The following ADGRL2 variants were observed in gnomAD, a reference collection of about 807,000 sequenced individuals.
The protein encoded by ADGRL2 is calcium-independent alpha-latrotoxin receptor 2.
A neutral mutation model predicts 157.4 loss-of-function variants in ADGRL2; 44 were observed. The ratio of observed to expected loss-of-function variants is 0.28; its 90% CI spans 0.22 to 0.36. The LOEUF (loss-of-function observed/expected upper bound fraction) is 0.36, where lower values mean the gene tolerates loss of function less well. Ranked by LOEUF, ADGRL2 falls within the 10% of genes least tolerant of loss-of-function variation. The pLI is 1.00. For missense variants in ADGRL2, 1,510 were observed against 1,768.9 expected, an observed-to-expected ratio of 0.85 and a Z score of 2.63; for synonymous variants, 585 against 624.7, an observed-to-expected ratio of 0.94 and a Z score of 0.95.
chr1:81,925,927 C>T (rs1410838840), intron 3 of ADGRL2, among the ~76,000 whole-genome samples: 1 of 151,986 alleles, frequency 6.6e-6, no homozygotes, highest in Non-Finnish European at 1.5e-5. Flanking sequence ...AAAATGATAT[C>T]TAAACCAAGG....
In ADGRL2 at chr1:81,966,432, C is replaced by T. The variant is rs1225584292; in HGVS notation, c.2172C>T (p.Tyr724=). The change falls in exon 13 of 24, where the codon TAC becomes TAT. Residue 724 remains tyrosine (Y), a synonymous_variant. Transcript: ENST00000686636. The stretch of plus-strand genomic sequence containing the variant: ...TTGCAAAGTTGGTGTTCATCATTTA[C>T]CGGAGCCTGGGACAGTTCCTTAGTA... ...NGLAKLVFII[Y]RSLGQFLSTE... 6.2e-7 allele frequency: 1 copy of T among 1,613,984 alleles called. No individual in the cohort carries two copies. The highest frequency in any genetic ancestry group is 8.5e-7 in the Non-Finnish European group (1 of 1,180,008).
chr1:81,859,388 A>G (rs1260204159), intron 2 of ADGRL2, among the ~76,000 whole-genome samples: 2 of 149,958 alleles, frequency 1.3e-5, no homozygotes, highest in South Asian at 2.1e-4. Context: ...TGTAAGTAAA[A>G]TGACCATAGA....
chr1:81,496,097 C>T (rs2078724459), intron 2 of ADGRL2, among the ~76,000 whole-genome samples: 1 of 152,076 alleles, frequency 6.6e-6, no homozygotes, highest in African/African-American at 2.4e-5. Flanking sequence ...TAGGTAATGC[C>T]ATCATTGATT....
chr1:81,328,465 A>G (rs899119739), intron 1 of ADGRL2, among the ~76,000 whole-genome samples: 12 of 152,262 alleles, frequency 7.9e-5, no homozygotes, highest in Admixed American at 5.9e-4. Flanking sequence ...TCCCTAAAAT[A>G]TAAGCCTCAG....
intron 2 of ADGRL2, among the ~76,000 whole-genome samples, chr1:81,494,067 A>G (rs930352015): frequency 4.6e-5 from 7 of 152,122 alleles, no homozygotes; most frequent in African/African-American, 1.7e-4. Flanking sequence ...TCACAAACTT[A>G]TGTCTCCTTC....
chr1:81,391,051 C>G (rs922215293), intron 1 of ADGRL2, among the ~76,000 whole-genome samples: 1 of 152,300 alleles, frequency 6.6e-6, no homozygotes, highest in Non-Finnish European at 1.5e-5. Flanking sequence ...TTGGTAACTA[C>G]TGAGTTAGAA....
intron 1 of ADGRL2, among the ~76,000 whole-genome samples, chr1:81,320,615 T>C (rs554579054): frequency 6.6e-6 from 1 of 152,356 alleles, no homozygotes; most frequent in East Asian, 1.9e-4. Flanking sequence ...AGCTCTCAGC[T>C]GACCAGGTAC....
At chr1:81,357,827 A>T (rs542389026) in intron 1 of ADGRL2, among the ~76,000 whole-genome samples, 1 of 152,248 alleles carries the variant, frequency 6.6e-6, no homozygotes, top group Non-Finnish European at 1.5e-5. Flanking sequence ...ATTTTCACTA[A>T]GCTGTTGTGC....
rs1664992092 is a variant in ADGRL2, at chr1:81,993,830, CTG to C, written c.*2688_*2689del. ...TTGTTTCTCTTTGTGATAGTCACAACTGTGAACTTATAAAGTCACATTTTTAA... is the reference window on the plus strand; with the variant it reads ...TTGTTTCTCTTTGTGATAGTCACAACTGAACTTATAAAGTCACATTTTTAA... On this transcript the variant is annotated 3_prime_UTR_variant, in exon 24 of 24. Coordinates refer to ENST00000686636, the MANE Select transcript of ADGRL2 (RefSeq NM_001366006.2). Among the ~76,000 whole-genome samples, 2 of 152,100 alleles carry C rather than the reference CTG, an allele frequency of 1.3e-5. No homozygotes were observed. Among genetic ancestry groups the C allele is most frequent in the African/African-American group, 4.8e-5 (2 of 41,422 alleles).
chr1:81,721,871 T>C, intron 1 of ADGRL2: 2 of 766,092 alleles, frequency 2.6e-6, no homozygotes, highest in South Asian at 1.4e-5. Flanking sequence ...AAAAAAAACC[T>C]GATAGTAAGA....
Position 81,966,228 on chromosome 1 carries a change from CA to C in ADGRL2, c.2143+50del, listed in dbSNP as rs1186596846. 3 of 1,610,254 alleles carry C rather than the reference CA, an allele frequency of 1.9e-6. No individual in the cohort carries two copies. The East Asian group carries it at 6.7e-5, about 36-fold the overall frequency. On this transcript the variant is annotated intron_variant, in intron 12 of 23. Transcript: ENST00000686636. ...AAAATTGACAGTTTTTGTTGTTGTT[CA>C]AAAACCTATTAATTCTAAAATGTAT...
intron 1 of ADGRL2, among the ~76,000 whole-genome samples, chr1:81,737,794 G>C (rs1248841659): frequency 6.6e-6 from 1 of 152,134 alleles, no homozygotes; most frequent in Non-Finnish European, 1.5e-5. Flanking sequence ...GAGTCATCCT[G>C]GCAAGTAGAA....
intron 2 of ADGRL2, among the ~76,000 whole-genome samples, chr1:81,851,922 AT>A (rs900991588): frequency 2.0e-5 from 3 of 151,772 alleles, no homozygotes; most frequent in African/African-American, 7.3e-5. Flanking sequence ...CAACTATAGG[AT>A]TTTTTTTATA....
chr1:81,501,405 G>C lies in ADGRL2; in HGVS notation c.-248+56316G>C, dbSNP rs570352818. On this transcript the variant is annotated intron_variant, in intron 2 of 24. Coordinates refer to the ADGRL2 transcript ENST00000370721. ...CTGGGTCATCTCCTATGTGTGTTGA[G>C]AGTTCAATGCAAGTTATTTCTGCTT... Among the ~76,000 whole-genome samples the C allele has an allele frequency of 1.1e-4, 16 of 152,316 alleles. No individual in the cohort carries two copies. In the South Asian group the frequency reaches 3.3e-3, roughly 32 times the overall value.
intron 2 of ADGRL2, among the ~76,000 whole-genome samples, chr1:81,859,678 G>T (rs1021940671): frequency 3.4e-4 from 52 of 151,918 alleles, no homozygotes; most frequent in African/African-American, 1.3e-3. Flanking sequence ...AAAGTGCTGG[G>T]ATTACAGGCA....
chr1:81,430,754 T>C (rs1367671477), intron 1 of ADGRL2, among the ~76,000 whole-genome samples: 1 of 152,212 alleles, frequency 6.6e-6, no homozygotes, highest in African/African-American at 2.4e-5. Flanking sequence ...CTCCTTTTTT[T>C]CCCAAACTGA....
At chr1:81,725,511 C>G (rs2149148529) in intron 1 of ADGRL2, among the ~76,000 whole-genome samples, 1 of 152,006 alleles carries the variant, frequency 6.6e-6, no homozygotes, top group Non-Finnish European at 1.5e-5. Context: ...TTCACTCCAG[C>G]CTGGGTGACA....
intron 2 of ADGRL2, among the ~76,000 whole-genome samples, chr1:81,845,875 ACT>A (rs2092768812): frequency 6.7e-6 from 1 of 150,356 alleles, no homozygotes; most frequent in Admixed American, 6.6e-5. Context: ...GCATTATTGC[ACT>A]CTTTCTTCTT....
intron 2 of ADGRL2, among the ~76,000 whole-genome samples, chr1:81,560,726 G>T (rs190666362): frequency 6.6e-6 from 1 of 152,160 alleles, no homozygotes; most frequent in South Asian, 2.1e-4. Flanking sequence ...TGGAGGAGGA[G>T]GGGGAGCGGG....
Sources: allele counts gnomAD v4.1 joint callset (sites outside exome capture counted in the v4.1 genomes callset), GRCh38; gene constraint gnomAD v4.1.1; transcripts MANE v1.5; gene names NCBI Gene and HGNC (gene_info 2026-07-23, HGNC 2026-07-21).